Variants in PDK4 observed in about 807,000 individuals in gnomAD.
The protein encoded by PDK4 is pyruvate dehydrogenase kinase, isozyme 4.
In PDK4, 43 loss-of-function variants were observed where a neutral mutation model predicts 51.7. The ratio of observed to expected loss-of-function variants is 0.83; its 90% CI spans 0.65 to 1.07. PDK4 has a LOEUF of 1.07. Among genes scored for constraint, PDK4 ranks in the 50% least tolerant of loss-of-function variants. The pLI is 0.00. For missense variants in PDK4, 498 were observed against 503.5 expected (o/e 0.99, Z 0.10); for synonymous variants, 170 against 176.6 (o/e 0.96, Z 0.30).
rs1791528683 is a variant in PDK4 at position 95,589,704 on chromosome 7, T to C, written c.707A>G (p.Asp236Gly). The stretch of plus-strand genomic sequence containing the variant: ...AACATACACGATGTGAATTGGTTGG[T>C]CTGGAAATTTTCCTAGAAAAATAAA... ...KLTQVNGKFP[D>G]QPIHIVYVPS... is the part of the protein sequence containing the mutation. Residue 236 changes from aspartate (D) to glycine (G), a missense_variant, in exon 7 of 11, where the codon GAC (aspartate) becomes GGC (glycine). Asp to Gly is a moderately conservative substitution (Grantham distance 94, BLOSUM62 -1). Transcript: ENST00000005178. The C allele has an allele frequency of 1.3e-6, 2 of 1,573,376 alleles. No individual in the cohort carries two copies. The highest frequency in any genetic ancestry group is 1.7e-6 in the Non-Finnish European group (2 of 1,144,324).
rs138685051 is a variant in PDK4 at position 95,589,982 on chromosome 7, A to G, written c.695-266T>C. 1.2e-3 allele frequency among the ~76,000 whole-genome samples: 175 copies of G among 151,906 alleles called. 1 individual carries two copies. Among genetic ancestry groups the G allele is most frequent in the African/African-American group, 4.1e-3 (170 of 41,434 alleles). The stretch of plus-strand genomic sequence containing the variant: ...AGGGTCTTACTATGTTGTCCAGGCT[A>G]GTCTTAAACTCCTGGCCTCAAGCGA... On this transcript the variant is annotated intron_variant, in intron 6 of 10. Coordinates refer to ENST00000005178, the MANE Select transcript of PDK4 (RefSeq NM_002612.4).
At position 95,587,045 on chromosome 7, in the gene PDK4, A is replaced by G; in HGVS notation, c.1060T>C (p.Ser354Pro). 2 of 1,609,054 alleles carry G rather than the reference A, an allele frequency of 1.2e-6. No homozygotes were observed. The highest frequency in any genetic ancestry group is 1.7e-6 in the Non-Finnish European group (2 of 1,175,514). ...ATGATAGCATCTGTTCCATATCCTG[A>G]TAAAGAGTAGAGATTCAGATCTCCT... ...FQGDLNLYSL[S>P]GYGTDAIIYL... The change falls in exon 10 of 11, where the codon TCA (serine) becomes CCA (proline). Residue 354 changes from serine to proline, a missense_variant. Coordinates refer to ENST00000005178, the MANE Select transcript of PDK4 (RefSeq NM_002612.4).
intron 10 of PDK4, among the ~76,000 whole-genome samples, 153 bp from the exon 11 acceptor site, chr7:95,585,934 C>A (rs1299708515): frequency 6.6e-6 from 1 of 152,114 alleles, no homozygotes; most frequent in Non-Finnish European, 1.5e-5. Context: ...CACACTGGTG[C>A]CTGCACTCAG....
In PDK4 at chr7:95,587,810, T is replaced by C. The variant is rs1791505844; in HGVS notation, c.787A>G (p.Thr263Ala). The part of the protein sequence containing the change: ...FELFKNAMRA[T>A]VEHQENQPSL... ...GGCTGATTTTCCTGGTGTTCAACTGTTGCCCGCATTGCATTCTAAAACAAA... is the reference window on the plus strand; with the variant it reads ...GGCTGATTTTCCTGGTGTTCAACTGCTGCCCGCATTGCATTCTAAAACAAA... Residue 263 changes from threonine to alanine, a missense_variant, in exon 8 of 11, where the codon ACA becomes GCA. Physicochemically the swap from Thr to Ala is moderately conservative, Grantham distance 58 (BLOSUM62 0). Transcript: ENST00000005178. 3 of 1,610,504 alleles carry C rather than the reference T, an allele frequency of 1.9e-6. No homozygotes were observed. The highest frequency in any genetic ancestry group is 2.7e-5 in the African/African-American group (2 of 74,840).
chr7:95,592,372 G>A, intron 5 of PDK4, 139 bp downstream of exon 5: 1 of 645,186 alleles, frequency 1.5e-6, no homozygotes, highest in East Asian at 2.5e-5. Context: ...CAAAAGCAAA[G>A]GACCTTGAAG....
In PDK4 at chr7:95,585,288, A is replaced by G. The variant is rs544384673; in HGVS notation, c.*353T>C. 16 of 138,700 alleles carry G rather than the reference A, an allele frequency of 1.2e-4. No individual in the cohort carries two copies. The highest frequency in any genetic ancestry group is 4.7e-4 in the African/African-American group (14 of 29,680). The allele number at this position is 138,700 out of a possible 1,614,324, so 8.6% of individuals were successfully genotyped here. ...TTTTGATGTGAACAAGAGGCCTAAA[A>G]TATCAGTCTTAGTGAAACTGCTAAC... On this transcript the variant is annotated 3_prime_UTR_variant, in exon 11 of 11. Transcript: ENST00000005178.
intron 6 of PDK4, among the ~76,000 whole-genome samples, chr7:95,591,110 A>AT (rs1791547537): frequency 6.6e-6 from 1 of 151,824 alleles, no homozygotes; most frequent in Non-Finnish European, 1.5e-5. Flanking sequence ...GCTAATTTTT[A>AT]TTTTTTGTAG....
At position 95,588,602 on chromosome 7, in the gene PDK4, T is replaced by C. The variant is rs1400891753; in HGVS notation, c.772-777A>G. Among the ~76,000 whole-genome samples the C allele has an allele frequency of 2.0e-5, 3 of 152,204 alleles. No homozygotes were observed. The East Asian group carries it at 5.8e-4, about 29-fold the overall frequency. On this transcript the variant is annotated intron_variant, in intron 7 of 10. Coordinates refer to ENST00000005178, the MANE Select transcript of PDK4 (RefSeq NM_002612.4). The stretch of plus-strand genomic sequence containing the variant: ...TGAAATAAAGTAGATCAGATGTTTG[T>C]AGTACAGTCAGTACCTCACAGCAGT...
intron 7 of PDK4, among the ~76,000 whole-genome samples, chr7:95,589,182 C>A (rs1791522111): frequency 6.6e-6 from 1 of 152,218 alleles, no homozygotes; most frequent in South Asian, 2.1e-4. Flanking sequence ...GAACTACTGA[C>A]TGTGCTCTTA....
chr7:95,583,724 C>T lies in PDK4; in HGVS notation c.*1917G>A, dbSNP rs1387107018. 1 of 152,570 alleles carries T rather than the reference C, an allele frequency of 6.6e-6. No individual in the cohort carries two copies. Among genetic ancestry groups the T allele is most frequent in the African/African-American group, 2.4e-5 (1 of 41,434 alleles). 9.5% of individuals were successfully genotyped at this position (152,570 alleles called of 1,614,324 possible). A position where few individuals can be genotyped will look rare whatever the true frequency, so the allele number is the denominator to read the frequency against. ...ACAGTTGGTGTAATTGAGATACTAA[C>T]ATTTCTTTTTTCTAGTGTTTTAGAG... On this transcript the variant is annotated 3_prime_UTR_variant, in exon 11 of 11. Coordinates refer to ENST00000005178, the MANE Select transcript of PDK4 (RefSeq NM_002612.4).
In PDK4 at chr7:95,585,418, TA is replaced by T; in HGVS notation, c.*222del. On this transcript the variant is annotated 3_prime_UTR_variant, in exon 11 of 11. Coordinates refer to ENST00000005178, the MANE Select transcript of PDK4 (RefSeq NM_002612.4). ...TATAAACTCAGGAGTTATTCTACAT[TA>T]AAAAATAAGGAGCTGGCCATCTGTT... is the stretch of plus-strand genomic sequence containing the variant. The T allele has an allele frequency of 2.6e-6, 1 of 380,130 alleles. No homozygotes were observed. 23.5% of individuals were successfully genotyped at this position (380,130 alleles called of 1,614,324 possible). A position where few individuals can be genotyped will look rare whatever the true frequency, so the allele number is the denominator to read the frequency against.
At position 95,587,707 on chromosome 7, in the gene PDK4, G is replaced by T. The variant is rs1584121019; in HGVS notation, c.870+20C>A. ...TAATTCTCTCAAGAGACACCCAAAA[G>T]GAAAACAGAGAATGGTTACCTTAAT... On this transcript the variant is annotated intron_variant, in intron 8 of 10. Coordinates refer to ENST00000005178, the MANE Select transcript of PDK4 (RefSeq NM_002612.4). The T allele has an allele frequency of 6.5e-7, 1 of 1,535,718 alleles. No homozygotes were observed. The highest frequency in any genetic ancestry group is 9.0e-7 in the Non-Finnish European group (1 of 1,108,788).
intron 10 of PDK4, chr7:95,586,590 G>C (rs1339972971): frequency 1.3e-5 from 2 of 154,980 alleles, no homozygotes; most frequent in East Asian, 3.8e-4. Flanking sequence ...TTCTAACAAG[G>C]TCAGCTTAAG....
At position 95,596,165 on chromosome 7, in the gene PDK4, A is replaced by G. The variant is rs1233740305; in HGVS notation, c.129T>C (p.Phe43=). The G allele has an allele frequency of 1.2e-6, 2 of 1,601,424 alleles. No individual in the cohort carries two copies. The highest frequency in any genetic ancestry group is 1.4e-5 in the African/African-American group (1 of 73,028). ...CTTGGGCCCTGTGTCCCCTCTCACC[A>G]AAGTCCAGTAGCTGCTTCATGGACA... ...SPLSMKQLLD[F]GSENACERTS... The change falls in exon 1 of 11, where the codon TTT becomes TTC. Residue 43 remains phenylalanine, a splice_region_variant and synonymous_variant. Transcript: ENST00000005178.
At chr7:95,586,642 C>G (rs1367461331) in intron 10 of PDK4, 2 of 164,478 alleles carry the variant, frequency 1.2e-5, no homozygotes, top group Non-Finnish European at 2.6e-5. Context: ...CAGGCTGGAA[C>G]ATTATTAGCA....
chr7:95,596,256 G>A lies in PDK4; in HGVS notation c.38C>T (p.Ser13Leu). The A allele has an allele frequency of 1.9e-6, 3 of 1,592,512 alleles. No homozygotes were observed. The highest frequency in any genetic ancestry group is 2.6e-6 in the Non-Finnish European group (3 of 1,169,784). The change falls in exon 1 of 11, where the codon TCG (serine) becomes TTG (leucine). Residue 13 changes from serine to leucine, a missense_variant. By Grantham distance (145) the Ser-to-Leu change is moderately radical. Coordinates refer to ENST00000005178, the MANE Select transcript of PDK4 (RefSeq NM_002612.4). ...GGGCACCAGGCCGGCGCCGTTGAGCGAGCCAGCGCTGCGCAGCACGAAGCG... is the reference window on the plus strand; with the variant it reads ...GGGCACCAGGCCGGCGCCGTTGAGCAAGCCAGCGCTGCGCAGCACGAAGCG... Reference protein sequence around the residue: ...AARFVLRSAGSLNGAGLVPRE... With the variant: ...AARFVLRSAGLLNGAGLVPRE...
At chr7:95,593,077 T>A (rs551797155) in intron 3 of PDK4, 133 bp from the exon 4 acceptor site, 82 of 517,444 alleles carry the variant, frequency 1.6e-4, no homozygotes, top group African/African-American at 1.4e-3. Context: ...AAAACATTAG[T>A]CCTTTATTAG....
rs1791568067 is a variant in PDK4, at chr7:95,592,806, TCGA to T, written c.480_482del (p.Asp160_Arg161delinsGlu). On this transcript the variant is annotated inframe_deletion, in exon 4 of 11. Coordinates refer to ENST00000005178, the MANE Select transcript of PDK4 (RefSeq NM_002612.4). ...GAGTAGAAATACGGTTCATGTAAAA[TCGA>T]TCCAAGAAATATTGAAGATTTTGAT... is the stretch of plus-strand genomic sequence containing the variant. The T allele has an allele frequency of 6.2e-7, 1 of 1,613,168 alleles. No individual in the cohort carries two copies. Among genetic ancestry groups the T allele is most frequent in the Non-Finnish European group, 8.5e-7 (1 of 1,179,570 alleles).
rs1010786847 is a variant in PDK4 at position 95,592,056 on chromosome 7, T to C, written c.626A>G (p.Glu209Gly). Reference protein sequence around the residue: ...DVVAVVQDAFECSRMLCDQYY... With the variant: ...DVVAVVQDAFGCSRMLCDQYY... ...CTGATCACAGAGCATCCTTGAACAC[T>C]CAAAGGCATCTGGAATAGAAGTTGT... Residue 209 changes from glutamate (E) to glycine (G), a missense_variant, in exon 6 of 11, where the codon GAG (glutamate) becomes GGG (glycine). Coordinates refer to ENST00000005178, the MANE Select transcript of PDK4 (RefSeq NM_002612.4). 4 of 1,574,578 alleles carry C rather than the reference T, an allele frequency of 2.5e-6. No homozygotes were observed. The African/African-American group carries it at 4.1e-5, about 16-fold the overall frequency.
Sources: allele counts gnomAD v4.1 joint callset (sites outside exome capture counted in the v4.1 genomes callset), GRCh38; gene constraint gnomAD v4.1.1; transcripts MANE v1.5; gene names NCBI Gene and HGNC (gene_info 2026-07-23, HGNC 2026-07-21).